The following SYNPR variants were observed in gnomAD, a reference collection of about 807,000 sequenced individuals.
SYNPR encodes the protein synaptoporin.
Under a neutral mutation model 32.9 loss-of-function variants are expected in SYNPR, and 23 were observed. That is an observed-to-expected ratio of 0.70 (90% CI 0.50 to 0.99). The LOEUF is 0.99. Ranked by LOEUF, SYNPR falls within the 50% of genes least tolerant of loss-of-function variation. The pLI, the probability that SYNPR is intolerant of heterozygous loss-of-function variation, is 0.00. For synonymous variants in SYNPR, 146 were observed against 135.9 expected (o/e 1.07, Z -0.52); for missense variants, 318 against 349.3 (o/e 0.91, Z 0.71).
Position 63,476,180 on chromosome 3 carries a change from A to G in SYNPR, c.85-4652A>G, listed in dbSNP as rs1428921799. Among the ~76,000 whole-genome samples the G allele has an allele frequency of 1.4e-3, 62 of 44,222 alleles. 3 individuals carry two copies. The highest frequency in any genetic ancestry group is 2.8e-3 in the African/African-American group (30 of 10,780). 29.0% of individuals were successfully genotyped at this position (44,222 alleles called of 152,430 possible). ...GAGGGAGGGAGGGAGGGAGGGAAGG[A>G]AGGGAAGGGAGGGAAGCAAGGGAAG... On this transcript the variant is annotated intron_variant, in intron 2 of 5. Coordinates refer to ENST00000478300, the MANE Select transcript of SYNPR (RefSeq NM_001130003.2).
intron 2 of SYNPR, among the ~76,000 whole-genome samples, chr3:63,429,131 A>G (rs927688162): frequency 6.6e-6 from 1 of 152,170 alleles, no homozygotes; most frequent in Non-Finnish European, 1.5e-5. Context: ...GTTATTTCAT[A>G]TAGGTGGTTA....
intron 2 of SYNPR, among the ~76,000 whole-genome samples, chr3:63,388,410 CAG>C (rs1157749641): frequency 1.6e-4 from 14 of 90,192 alleles, no homozygotes; most frequent in African/African-American, 6.2e-4. Context: ...TTTTTTAAGA[CAG>C]AGTTTCACTA....
intron 2 of SYNPR, among the ~76,000 whole-genome samples, chr3:63,261,307 GA>G (rs1463616204): frequency 2.6e-5 from 4 of 152,016 alleles, no homozygotes; most frequent in Non-Finnish European, 5.9e-5. Context: ...CAAAGAGTTG[GA>G]ACCAAGCCAA....
the SYNPR span, among the ~76,000 whole-genome samples, chr3:63,211,558 C>G: frequency 6.6e-6 from 1 of 152,162 alleles, no homozygotes; most frequent in Non-Finnish European, 1.5e-5. Context: ...TAGTTTCCAT[C>G]TGCCTCGGTA....
chr3:63,578,851 A>G (rs1031403224), intron 4 of SYNPR, among the ~76,000 whole-genome samples: 2 of 152,152 alleles, frequency 1.3e-5, no homozygotes, highest in African/African-American at 4.8e-5. Flanking sequence ...CAATATGCTC[A>G]ACTGGTAGAG....
chr3:63,323,309 A>C (rs932460112), intron 2 of SYNPR, among the ~76,000 whole-genome samples: 1 of 152,048 alleles, frequency 6.6e-6, no homozygotes, highest in Non-Finnish European at 1.5e-5. Context: ...TGGAAAGCCA[A>C]CCTTCTTTCT....
Position 63,524,853 on chromosome 3 carries a change from A to ATG in SYNPR, c.210-31673_210-31672dup, listed in dbSNP as rs764949799. ...TGTGTGTGTGTGTGTGTGTGTGTGC[A>ATG]TGTGTGTGTGTGTGTGTGAGAGAGA... On this transcript the variant is annotated intron_variant, in intron 3 of 5. Transcript: ENST00000478300. Among the ~76,000 whole-genome samples the ATG allele has an allele frequency of 1.4e-3, 92 of 66,354 alleles. No homozygotes were observed. In the East Asian group the frequency reaches 0.021, roughly 15 times the overall value. The allele number at this position is 66,354 out of a possible 152,430, so 43.5% of individuals were successfully genotyped here.
intron 2 of SYNPR, among the ~76,000 whole-genome samples, chr3:63,310,927 G>T (rs761634524): frequency 1.3e-5 from 2 of 151,988 alleles, no homozygotes; most frequent in Non-Finnish European, 2.9e-5. Flanking sequence ...TGGTAGAGGG[G>T]ATATTAATGA....
upstream of SYNPR, among the ~76,000 whole-genome samples, chr3:63,225,127 C>A (rs1230301686): frequency 6.6e-6 from 1 of 152,214 alleles, no homozygotes; most frequent in Non-Finnish European, 1.5e-5. Context: ...ACAAAACCCA[C>A]AATTGCAGGG....
the SYNPR span, among the ~76,000 whole-genome samples, chr3:63,200,712 C>T: frequency 6.6e-6 from 1 of 152,250 alleles, no homozygotes; most frequent in African/African-American, 2.4e-5. Flanking sequence ...CTCAATCTTT[C>T]CCTACATCAA....
intron 2 of SYNPR, among the ~76,000 whole-genome samples, chr3:63,288,709 C>T (rs2086709607): frequency 6.6e-6 from 1 of 152,130 alleles, no homozygotes; most frequent in Non-Finnish European, 1.5e-5. Context: ...TCAGCTCTGG[C>T]CCTTTATGTT....
At chr3:63,385,053 A>C (rs1293117309) in intron 2 of SYNPR, among the ~76,000 whole-genome samples, 1 of 152,110 alleles carries the variant, frequency 6.6e-6, no homozygotes, top group Non-Finnish European at 1.5e-5. Context: ...ACCTAATACA[A>C]ACTATGCTTA....
At position 63,400,274 on chromosome 3, in the gene SYNPR, A is replaced by C. The variant is rs140819895; in HGVS notation, c.85-80558A>C. On this transcript the variant is annotated intron_variant, in intron 2 of 5. Coordinates refer to ENST00000478300, the MANE Select transcript of SYNPR (RefSeq NM_001130003.2). ...CCAAAACATAAAGACATAAAACAGC[A>C]ATAGACATTTATTATCCCACAGAGA... Among the ~76,000 whole-genome samples the C allele has an allele frequency of 2.6e-5, 4 of 152,344 alleles. No homozygotes were observed. In the East Asian group the frequency reaches 5.8e-4, roughly 22 times the overall value.
At chr3:63,406,292 G>GA (rs1486304145) in intron 2 of SYNPR, among the ~76,000 whole-genome samples, 1 of 151,604 alleles carries the variant, frequency 6.6e-6, no homozygotes, top group Non-Finnish European at 1.5e-5. Flanking sequence ...TTTTGTTGTA[G>GA]AAAAAAACAT....
intron 2 of SYNPR, among the ~76,000 whole-genome samples, chr3:63,311,008 G>GC (rs58054171): frequency 0.45 from 68,008 of 151,586 alleles, 15,450 homozygotes; most frequent in Middle Eastern, 0.53. Context: ...TGTCATTTAT[G>GC]TGGTATCCTT....
At chr3:63,540,198 T>C (rs1257665894) in intron 3 of SYNPR, among the ~76,000 whole-genome samples, 2 of 152,158 alleles carry the variant, frequency 1.3e-5, no homozygotes, top group African/African-American at 4.8e-5. Context: ...TAGGTCATGT[T>C]ATTATCACCT....
chr3:63,263,481 A>G (rs780233205), intron 2 of SYNPR, among the ~76,000 whole-genome samples: 2 of 152,198 alleles, frequency 1.3e-5, no homozygotes, highest in Non-Finnish European at 2.9e-5. Flanking sequence ...CCGTTCTAAA[A>G]CTTAGTGACT....
At chr3:63,237,031 T>C (rs1560164641) in intron 1 of SYNPR, among the ~76,000 whole-genome samples, 1 of 152,144 alleles carries the variant, frequency 6.6e-6, no homozygotes, top group Non-Finnish European at 1.5e-5. Context: ...CAATTCCCCT[T>C]TACTCCCAAC....
Position 63,615,490 on chromosome 3 carries a change from C to T in SYNPR, c.*9C>T, listed in dbSNP as rs373356782. The stretch of plus-strand genomic sequence containing the variant: ...TTACCAATCAGATTTAACAGAGTAG[C>T]ATTTGCATTCTTCTGCAGTCGCCTC... On this transcript the variant is annotated 3_prime_UTR_variant, in exon 6 of 6. Transcript: ENST00000478300. 5 of 1,608,122 alleles carry T rather than the reference C, an allele frequency of 3.1e-6. No individual in the cohort carries two copies. The African/African-American group carries it at 4.0e-5, about 13-fold the overall frequency.
Sources: allele counts gnomAD v4.1 joint callset (sites outside exome capture counted in the v4.1 genomes callset), GRCh38; gene constraint gnomAD v4.1.1; transcripts MANE v1.5; gene names NCBI Gene and HGNC (gene_info 2026-07-23, HGNC 2026-07-21).